DNAJC15: variants seen among roughly 807,000 people sequenced by gnomAD.
The protein encoded by DNAJC15 is dnaJ homolog subfamily C member 15.
Under a neutral mutation model 22.4 loss-of-function variants are expected in DNAJC15, and 27 were observed. The observed-to-expected ratio is 1.20, with a 90% confidence interval of 0.89 to 1.66. The LOEUF is 1.66. Ranked by LOEUF, DNAJC15 falls within the 40% of genes most tolerant of loss-of-function variation. The probability of loss-of-function intolerance (pLI) is 0.00; values close to 1 mark genes in which losing one functional copy is unlikely to be tolerated. For missense variants in DNAJC15, 208 were observed against 187.1 expected (o/e 1.11, Z -0.65); for synonymous variants, 79 against 63.2 (o/e 1.25, Z -1.19).
At chr13:43,050,975 A>G (rs2040500135) in intron 1 of DNAJC15, among the ~76,000 whole-genome samples, 1 of 151,696 alleles carries the variant, frequency 6.6e-6, no homozygotes, top group Admixed American at 6.6e-5. Flanking sequence ...GTTTCTTGGT[A>G]TTTTATTTAT....
chr13:43,053,476 T>C (rs1171482825), intron 1 of DNAJC15, among the ~76,000 whole-genome samples: 5 of 152,176 alleles, frequency 3.3e-5, no homozygotes. Context: ...TTGCATTGAG[T>C]TTGTAGATTG....
rs190624422 is a variant in DNAJC15, at chr13:43,107,884, T to A, written c.*636T>A. The A allele has an allele frequency of 2.0e-5, 3 of 152,358 alleles. No individual in the cohort carries two copies. The highest frequency in any genetic ancestry group is 4.4e-5 in the Non-Finnish European group (3 of 67,990). The allele number at this position is 152,358 out of a possible 1,614,324, so 9.4% of individuals were successfully genotyped here. ...ATTCAGGTTTACAAAATGAGCCCTGTGAGGAAAGGTTGAGAGAAGTCTGAG... is the reference window on the plus strand; with the variant it reads ...ATTCAGGTTTACAAAATGAGCCCTGAGAGGAAAGGTTGAGAGAAGTCTGAG... On this transcript the variant is annotated 3_prime_UTR_variant, in exon 6 of 6. Coordinates refer to ENST00000379221, the MANE Select transcript of DNAJC15 (RefSeq NM_013238.3).
chr13:43,061,572 G>A (rs1227984733), intron 1 of DNAJC15, among the ~76,000 whole-genome samples: 8 of 152,210 alleles, frequency 5.3e-5, no homozygotes, highest in Non-Finnish European at 2.9e-5. Context: ...ACCTCTTTCT[G>A]CCCATATAAC....
intron 1 of DNAJC15, among the ~76,000 whole-genome samples, chr13:43,040,133 G>C (rs560255966): frequency 6.6e-6 from 1 of 152,186 alleles, no homozygotes; most frequent in African/African-American, 2.4e-5. Flanking sequence ...GAGCTGCCTA[G>C]AAGACTGAAC....
rs944902655 is a variant in DNAJC15, at chr13:43,108,040, T to A, written c.*792T>A. The stretch of plus-strand genomic sequence containing the variant: ...CCTGAGAGTTGCAAGTATGAAGCAG[T>A]CATGGATCATGAACCAAAGGAACTT... On this transcript the variant is annotated 3_prime_UTR_variant, in exon 6 of 6. Coordinates refer to ENST00000379221, the MANE Select transcript of DNAJC15 (RefSeq NM_013238.3). The A allele has an allele frequency of 2.0e-5, 3 of 152,616 alleles. No homozygotes were observed. The highest frequency in any genetic ancestry group is 7.2e-5 in the African/African-American group (3 of 41,458). 9.5% of individuals were successfully genotyped at this position (152,616 alleles called of 1,614,324 possible). A position where few individuals can be genotyped will look rare whatever the true frequency, so the allele number is the denominator to read the frequency against.
At chr13:43,063,357 T>A (rs984748866) in intron 1 of DNAJC15, among the ~76,000 whole-genome samples, 1 of 152,238 alleles carries the variant, frequency 6.6e-6, no homozygotes, top group African/African-American at 2.4e-5. Flanking sequence ...TTGTTTGACA[T>A]GTCCCAGGTC....
At chr13:43,102,037 T>C (rs982572650) in intron 5 of DNAJC15, among the ~76,000 whole-genome samples, 1 of 152,220 alleles carries the variant, frequency 6.6e-6, no homozygotes, top group African/African-American at 2.4e-5. Context: ...CTAGTTATAC[T>C]CACACCAGCA....
intron 5 of DNAJC15, among the ~76,000 whole-genome samples, chr13:43,094,437 C>G (rs1431861415): frequency 6.6e-6 from 1 of 152,160 alleles, no homozygotes; most frequent in Non-Finnish European, 1.5e-5. Flanking sequence ...ACGAAGCCCT[C>G]CAGTTGATTC....
chr13:43,024,819 G>A lies in DNAJC15; in HGVS notation c.108+1085G>A, dbSNP rs1260625865. 3.3e-5 allele frequency among the ~76,000 whole-genome samples: 5 copies of A among 149,374 alleles called. No individual in the cohort carries two copies. In the East Asian group the frequency reaches 9.7e-4, roughly 29 times the overall value. ...GCTTGTAATCCCAGCGCTTTAGGAA[G>A]CCCAGGCAGGAGGATCACTTGAGGC... is the stretch of plus-strand genomic sequence containing the variant. On this transcript the variant is annotated intron_variant, in intron 1 of 5. Transcript: ENST00000379221.
At chr13:43,055,752 TC>T (rs1335980284) in intron 1 of DNAJC15, among the ~76,000 whole-genome samples, 1 of 152,198 alleles carries the variant, frequency 6.6e-6, no homozygotes, top group Admixed American at 6.5e-5. Flanking sequence ...GATCCTTCTT[TC>T]TATTCTCTTG....
At chr13:43,063,190 A>T (rs529326625) in intron 1 of DNAJC15, among the ~76,000 whole-genome samples, 3 of 152,012 alleles carry the variant, frequency 2.0e-5, no homozygotes, top group Non-Finnish European at 4.4e-5. Flanking sequence ...TTGTATTTTT[A>T]ATAGAGACGG....
chr13:43,058,527 C>G (rs1181706286), intron 1 of DNAJC15, among the ~76,000 whole-genome samples: 1 of 151,990 alleles, frequency 6.6e-6, no homozygotes, highest in African/African-American at 2.4e-5. Flanking sequence ...GGGAATTTGC[C>G]CCAGGCTATA....
rs1192317941 is a variant in DNAJC15, at chr13:43,070,136, A to G, written c.234+1133A>G. Among the ~76,000 whole-genome samples the G allele has an allele frequency of 2.0e-5, 3 of 152,310 alleles. No homozygotes were observed. The East Asian group carries it at 5.8e-4, about 29-fold the overall frequency. On this transcript the variant is annotated intron_variant, in intron 3 of 5. Transcript: ENST00000379221. ...ATGAATTGCTTCTTTTAGCAAAGAC[A>G]TTACAGGCTTGTGAGGCTTAGTTAG...
Position 43,029,547 on chromosome 13 carries a change from C to A in DNAJC15, c.108+5813C>A, listed in dbSNP as rs568235776. 1.1e-4 allele frequency among the ~76,000 whole-genome samples: 16 copies of A among 151,632 alleles called. No individual in the cohort carries two copies. The South Asian group carries it at 3.1e-3, about 30-fold the overall frequency. ...AATTTTGGTGCCTTTTTTTTTTTCC[C>A]CAGCTGTAGCAGCTATGATGGAGTG... On this transcript the variant is annotated intron_variant, in intron 1 of 5. Transcript: ENST00000379221.
chr13:43,037,457 A>G (rs1259718488), intron 1 of DNAJC15, among the ~76,000 whole-genome samples: 1 of 152,212 alleles, frequency 6.6e-6, no homozygotes, highest in African/African-American at 2.4e-5. Flanking sequence ...GGAGACACCG[A>G]AGATCAATGT....
At chr13:43,075,987 T>C (rs35740655) in intron 3 of DNAJC15, among the ~76,000 whole-genome samples, 154 of 152,020 alleles carry the variant, frequency 1.0e-3, no homozygotes, top group African/African-American at 3.6e-3. Context: ...TTTGTATCTG[T>C]ATCTGTATTT....
At chr13:43,083,325 G>A (rs796633848) in intron 4 of DNAJC15, among the ~76,000 whole-genome samples, 2 of 152,034 alleles carry the variant, frequency 1.3e-5, no homozygotes, top group Admixed American at 6.6e-5. Context: ...CCGCCACCAC[G>A]CCTGGCTAAT....
chr13:43,096,000 G>T (rs1168000252), intron 5 of DNAJC15, among the ~76,000 whole-genome samples: 9 of 151,772 alleles, frequency 5.9e-5, no homozygotes, highest in African/African-American at 2.2e-4. Flanking sequence ...GAAAAATGCT[G>T]TTTTTTGTTT....
chr13:43,037,452 C>T (rs543977484), intron 1 of DNAJC15, among the ~76,000 whole-genome samples: 1 of 152,206 alleles, frequency 6.6e-6, no homozygotes, highest in East Asian at 1.9e-4. Flanking sequence ...AAAAGGGAGA[C>T]ACCGAAGATC....
Sources: gnomAD v4.1 joint callset for allele counts (sites outside exome capture counted in the v4.1 genomes callset) on GRCh38, gnomAD v4.1.1 for gene constraint, MANE v1.5 for transcripts, NCBI Gene and HGNC (gene_info 2026-07-23, HGNC 2026-07-21) for gene names.